Variants in CSMD3 observed in about 807,000 individuals in gnomAD.
CSMD3 encodes CUB and sushi domain-containing protein 3.
In CSMD3, 177 loss-of-function variants were observed where a neutral mutation model predicts 435.2. The observed-to-expected ratio is 0.41, with a 90% CI of 0.36 to 0.46. CSMD3 has a LOEUF of 0.46. CSMD3 is among the 20% of genes least tolerant of loss of function. The probability of loss-of-function intolerance (pLI) is 0.34; values close to 1 mark genes in which losing one functional copy is unlikely to be tolerated. For synonymous variants in CSMD3, 1,656 were observed against 1,520.5 expected (o/e 1.09, Z -2.07); for missense variants, 4,265 against 4,504.6 (o/e 0.95, Z 1.52).
rs1586279345 is a variant in CSMD3, at chr8:112,424,314, A to AACAAATAT, written c.5396-15283_5396-15282insATATTTGT. On this transcript the variant is annotated intron_variant, in intron 32 of 70. Transcript: ENST00000297405. ...AGTTACCATACCAAAGGCAAGAAGA[A>AACAAATAT]TTAATAGTAAGTTCTAAACAAATAT... is the stretch of plus-strand genomic sequence containing the variant. Among the ~76,000 whole-genome samples, 3 of 152,210 alleles carry AACAAATAT rather than the reference A, an allele frequency of 2.0e-5. No individual in the cohort carries two copies. In the East Asian group the frequency reaches 5.8e-4, roughly 29 times the overall value.
rs918132020 is a variant in CSMD3, at chr8:112,573,591, G to A, written c.3952C>T (p.Leu1318=). Residue 1318 remains leucine, a synonymous_variant, in exon 24 of 71, where the codon CTG becomes TTG. Coordinates refer to ENST00000297405, the MANE Select transcript of CSMD3 (RefSeq NM_198123.2). ...TGATTTGAAGTACTACTAAGTGTCAGTCCGCGCATAGATGCACCAGTAAAA... is the reference window on the plus strand; with the variant it reads ...TGATTTGAAGTACTACTAAGTGTCAATCCGCGCATAGATGCACCAGTAAAA... The part of the protein sequence containing the change: ...GAFTGASMRG[L]TLSSTSNQLW... 3 of 1,613,054 alleles carry A rather than the reference G, an allele frequency of 1.9e-6. No homozygotes were observed. The African/African-American group carries it at 4.0e-5, about 22-fold the overall frequency.
intron 59 of CSMD3, 68 bp downstream of exon 59, chr8:112,281,106 A>G: frequency 8.2e-7 from 1 of 1,220,724 alleles, no homozygotes. Flanking sequence ...AAAACACACA[A>G]AAATACTTAT....
At chr8:113,426,051 A>G (rs1003803289) in intron 1 of CSMD3, among the ~76,000 whole-genome samples, 3 of 151,482 alleles carry the variant, frequency 2.0e-5, no homozygotes, top group Non-Finnish European at 4.4e-5. Context: ...GAATCAATAA[A>G]TTCAAGGTAG....
chr8:112,484,310 A>T (rs1158011039), intron 31 of CSMD3, among the ~76,000 whole-genome samples: 1 of 152,190 alleles, frequency 6.6e-6, no homozygotes, highest in African/African-American at 2.4e-5. Flanking sequence ...CTTTGTCACC[A>T]GTAGAAATTA....
At chr8:112,770,610 C>T (rs770114791) in intron 13 of CSMD3, among the ~76,000 whole-genome samples, 8 of 152,044 alleles carry the variant, frequency 5.3e-5, no homozygotes, top group Non-Finnish European at 1.0e-4. Context: ...AAATATTAAT[C>T]TCATCAGTTC....
At chr8:112,898,845 C>T (rs2130412426) in intron 10 of CSMD3, among the ~76,000 whole-genome samples, 1 of 150,904 alleles carries the variant, frequency 6.6e-6, no homozygotes, top group South Asian at 2.1e-4. Flanking sequence ...GTCACAAATC[C>T]CCAAATCTTT....
At chr8:113,341,956 C>A (rs1452592168) in intron 1 of CSMD3, among the ~76,000 whole-genome samples, 1 of 151,928 alleles carries the variant, frequency 6.6e-6, no homozygotes, top group Non-Finnish European at 1.5e-5. Context: ...TATAATGTAA[C>A]CTCTTTGTAT....
At chr8:112,762,457 G>A (rs2077863606) in intron 13 of CSMD3, among the ~76,000 whole-genome samples, 1 of 151,914 alleles carries the variant, frequency 6.6e-6, no homozygotes, top group South Asian at 2.1e-4. Flanking sequence ...CTAGGCAACA[G>A]ATATTTAGTA....
chr8:112,649,735 T>C (rs1334426842), intron 19 of CSMD3, among the ~76,000 whole-genome samples: 2 of 152,212 alleles, frequency 1.3e-5, no homozygotes, highest in Admixed American at 6.5e-5. Flanking sequence ...TAGTGCTGTG[T>C]AGCTGGTTAG....
intron 11 of CSMD3, among the ~76,000 whole-genome samples, chr8:112,832,839 T>TA (rs2079915714): frequency 6.6e-6 from 1 of 152,180 alleles, no homozygotes. Context: ...CACAGCAATA[T>TA]AAATTAGCAC....
rs566602481 is a variant in CSMD3, at chr8:112,659,790, ATTTTG to A, written c.2817-3454_2817-3450del. Among the ~76,000 whole-genome samples the A allele has an allele frequency of 1.2e-4, 18 of 152,216 alleles. No individual in the cohort carries two copies. The South Asian group carries it at 3.7e-3, about 32-fold the overall frequency. On this transcript the variant is annotated intron_variant, in intron 17 of 70. Coordinates refer to ENST00000297405, the MANE Select transcript of CSMD3 (RefSeq NM_198123.2). ...AAACATGTTTGTTGGTGTTATTGCT[ATTTTG>A]TTTTGTATTTTACAAGAAATCATAT...
intron 38 of CSMD3, among the ~76,000 whole-genome samples, chr8:112,360,172 C>T (rs1158029999): frequency 1.3e-5 from 2 of 151,964 alleles, no homozygotes; most frequent in Admixed American, 6.6e-5. Context: ...ATTTATTACT[C>T]TTCACCAGTA....
chr8:113,359,616 T>C (rs1208495279), intron 1 of CSMD3, among the ~76,000 whole-genome samples: 1 of 152,230 alleles, frequency 6.6e-6, no homozygotes, highest in Non-Finnish European at 1.5e-5. Context: ...CCATTGGCAG[T>C]ATCCACATAA....
intron 32 of CSMD3, among the ~76,000 whole-genome samples, chr8:112,410,626 GTGTATATATATGTA>G (rs1563913070): frequency 1.8e-4 from 6 of 33,468 alleles, no homozygotes; most frequent in African/African-American, 5.9e-4. Flanking sequence ...GTATATATAT[GTGTATATATATGTA>G]TATATATATG....
intron 6 of CSMD3, among the ~76,000 whole-genome samples, chr8:113,008,396 A>C (rs1321206385): frequency 1.3e-5 from 2 of 151,870 alleles, no homozygotes; most frequent in African/African-American, 4.8e-5. Flanking sequence ...TTTTCTTATA[A>C]TTGGCTAGCA....
chr8:112,410,690 A>ATATATATATGTGTATATATATATGTG (rs1563913586), intron 32 of CSMD3, among the ~76,000 whole-genome samples: 1 of 112,576 alleles, frequency 8.9e-6, no homozygotes, highest in African/African-American at 3.2e-5. Flanking sequence ...ATATATATGT[A>ATATATATATGTGTATATATATATGTG]TATATATATG....
At chr8:112,237,006 T>G (rs1813649697) in intron 67 of CSMD3, among the ~76,000 whole-genome samples, 184 bp downstream of exon 67, 1 of 152,140 alleles carries the variant, frequency 6.6e-6, no homozygotes, top group African/African-American at 2.4e-5. Context: ...TATATTTCTG[T>G]AGTAATATTC....
At chr8:113,357,522 T>A (rs2094239785) in intron 1 of CSMD3, among the ~76,000 whole-genome samples, 4 of 152,210 alleles carry the variant, frequency 2.6e-5, no homozygotes, top group African/African-American at 9.7e-5. Flanking sequence ...GAAAGAAGTA[T>A]AAAATAATTT....
chr8:112,676,911 C>A (rs769053242), intron 16 of CSMD3, among the ~76,000 whole-genome samples: 44 of 151,968 alleles, frequency 2.9e-4, no homozygotes, highest in South Asian at 2.1e-4. Context: ...AATTCAGAAG[C>A]GGGCATTATA....
Sources: gnomAD v4.1 joint callset for allele counts (sites outside exome capture counted in the v4.1 genomes callset) on GRCh38, gnomAD v4.1.1 for gene constraint, MANE v1.5 for transcripts, NCBI Gene and HGNC (gene_info 2026-07-23, HGNC 2026-07-21) for gene names.